KDM1A: variants seen among roughly 807,000 people sequenced by gnomAD.
KDM1A encodes the protein lysine demethylase 1A.
Under a neutral mutation model 109.4 loss-of-function variants are expected in KDM1A, and 49 were observed. The ratio of observed to expected loss-of-function variants is 0.45; its 90% CI spans 0.36 to 0.57. The LOEUF (loss-of-function observed/expected upper bound fraction) is 0.57. Ranked by LOEUF, KDM1A falls within the 20% of genes least tolerant of loss-of-function variation. The pLI is 0.00. For missense variants in KDM1A, 668 were observed against 1,116.6 expected (o/e 0.60, Z 5.73); for synonymous variants, 380 against 415.4 (o/e 0.91, Z 1.04).
intron 2 of KDM1A, among the ~76,000 whole-genome samples, chr1:23,042,674 G>A (rs1318582581): frequency 2.0e-5 from 3 of 150,832 alleles, no homozygotes; most frequent in South Asian, 2.1e-4. Flanking sequence ...GGATGGTCTC[G>A]ATCTCCTGAC....
chr1:23,062,992 G>T (rs1359472360), intron 9 of KDM1A, among the ~76,000 whole-genome samples: 1 of 152,116 alleles, frequency 6.6e-6, no homozygotes, highest in African/African-American at 2.4e-5. Context: ...GGGAAATAGG[G>T]TAATTCATAT....
chr1:23,073,680 C>T (rs1395275781), intron 15 of KDM1A, among the ~76,000 whole-genome samples: 2 of 152,210 alleles, frequency 1.3e-5, no homozygotes, highest in Non-Finnish European at 2.9e-5. Context: ...TGGCCCTGGA[C>T]AACCACTGAT....
At position 23,079,567 on chromosome 1, in the gene KDM1A, T is replaced by C. The variant is rs749247721; in HGVS notation, c.2070T>C (p.Phe690=). The C allele has an allele frequency of 6.2e-7, 1 of 1,613,872 alleles. No homozygotes were observed. Residue 690 remains phenylalanine, a synonymous_variant, in exon 18 of 21, where the codon TTT becomes TTC. Coordinates refer to ENST00000400181, the MANE Select transcript of KDM1A (RefSeq NM_001009999.3). The surrounding 1 kb of genome is among the most constrained non-coding windows in gnomAD (Gnocchi z 5.6). ...TCTTATGGTAGGTGGTGTTGTGTTT[T>C]GATCGGGTGTTCTGGGATCCAAGTG... is the stretch of plus-strand genomic sequence containing the variant. ...FGNLNKVVLC[F]DRVFWDPSVN... is the part of the protein sequence containing the mutation.
chr1:23,081,177 A>C, intron 18 of KDM1A: 1 of 373,220 alleles, frequency 2.7e-6, no homozygotes, highest in East Asian at 5.1e-5. Flanking sequence ...TTATATCTTC[A>C]GAACTGCTGT....
At chr1:23,028,789 T>G (rs1471008752) in intron 1 of KDM1A, among the ~76,000 whole-genome samples, 2 of 152,096 alleles carry the variant, frequency 1.3e-5, no homozygotes, top group Non-Finnish European at 2.9e-5. Context: ...AAGTTTAGTA[T>G]AATATCATCT....
intron 8 of KDM1A, chr1:23,058,004 C>T (rs1474985157): frequency 1.3e-5 from 2 of 153,372 alleles, no homozygotes; most frequent in African/African-American, 4.8e-5. Context: ...GTCTCGATCT[C>T]CTGATCTCAT....
intron 4 of KDM1A, among the ~76,000 whole-genome samples, chr1:23,052,966 C>A (rs1450099043): frequency 6.6e-6 from 1 of 152,126 alleles, no homozygotes; most frequent in African/African-American, 2.4e-5. Flanking sequence ...TTTTATATTT[C>A]TTCTTGTTAT....
intron 4 of KDM1A, among the ~76,000 whole-genome samples, chr1:23,053,278 A>G (rs1246232109): frequency 1.3e-5 from 2 of 152,180 alleles, no homozygotes; most frequent in African/African-American, 4.8e-5. Context: ...TACTTATTTG[A>G]TATGGCTTTG....
chr1:23,033,045 C>T (rs774112100), intron 2 of KDM1A, among the ~76,000 whole-genome samples: 29 of 152,090 alleles, frequency 1.9e-4, no homozygotes, highest in African/African-American at 6.8e-4. Flanking sequence ...TACAGATGTG[C>T]GTCACCACGC....
At position 23,071,309 on chromosome 1, in the gene KDM1A, G is replaced by A; in HGVS notation, c.1498G>A (p.Ala500Thr). 1.9e-6 allele frequency: 3 copies of A among 1,613,548 alleles called. No individual in the cohort carries two copies. The highest frequency in any genetic ancestry group is 2.5e-6 in the Non-Finnish European group (3 of 1,179,778). ...SEVKPPRDIT[A>T]EFLVKSKHRD... ...AGTAAAGCCACCCAGAGATATTACT[G>A]CCGAGTTCTTAGTGAAAAGCAAACA... is the stretch of plus-strand genomic sequence containing the variant. Residue 500 changes from alanine (A) to threonine (T), a missense_variant, in exon 13 of 21, where the codon GCC becomes ACC. By Grantham distance (58) the Ala-to-Thr change is moderately conservative (BLOSUM62 0). Transcript: ENST00000400181.
At chr1:23,066,186 G>A (rs570999707) in intron 10 of KDM1A, 115 bp downstream of exon 10, 13 of 746,032 alleles carry the variant, frequency 1.7e-5, no homozygotes, top group Admixed American at 1.0e-4. Flanking sequence ...CATTCACACT[G>A]GTTTGTTGTT....
intron 4 of KDM1A, among the ~76,000 whole-genome samples, chr1:23,051,556 G>A (rs879460437): frequency 6.6e-6 from 1 of 152,038 alleles, no homozygotes; most frequent in African/African-American, 2.4e-5. Flanking sequence ...TCATTTCTTG[G>A]ATTACTGACT....
At chr1:23,050,624 T>C in intron 4 of KDM1A, 104 bp downstream of exon 4, 1 of 910,106 alleles carries the variant, frequency 1.1e-6, no homozygotes, top group Non-Finnish European at 1.5e-6. Flanking sequence ...TCTAAAATTA[T>C]CTATAATACT....
chr1:23,063,489 C>T (rs1439613023), intron 9 of KDM1A, among the ~76,000 whole-genome samples: 1 of 152,162 alleles, frequency 6.6e-6, no homozygotes, highest in Non-Finnish European at 1.5e-5. Flanking sequence ...GCTTTTGACA[C>T]AGGTCTGTTG....
At chr1:23,078,691 G>C (rs1643535528) in intron 16 of KDM1A, among the ~76,000 whole-genome samples, 1 of 152,178 alleles carries the variant, frequency 6.6e-6, no homozygotes, top group Non-Finnish European at 1.5e-5. Flanking sequence ...ACTTGAGTAA[G>C]TGGTATAAGG....
At chr1:23,068,345 G>C (rs1034806783) in intron 10 of KDM1A, among the ~76,000 whole-genome samples, 194 bp from the exon 11 acceptor site, 51 of 152,270 alleles carry the variant, frequency 3.3e-4, no homozygotes, top group African/African-American at 1.2e-3. Context: ...GAAATTGTCA[G>C]GGCCCAAACA....
chr1:23,060,365 C>T (rs961784095), intron 9 of KDM1A, among the ~76,000 whole-genome samples: 3 of 152,142 alleles, frequency 2.0e-5, no homozygotes, highest in Non-Finnish European at 4.4e-5. Flanking sequence ...CCTCTGTTTT[C>T]CCAATCTTGT....
chr1:23,078,242 A>T (rs570004565), intron 16 of KDM1A, among the ~76,000 whole-genome samples: 2 of 152,318 alleles, frequency 1.3e-5, no homozygotes, highest in East Asian at 1.9e-4. Context: ...TGCTGAGAAG[A>T]TCTGCAGCCT....
Position 23,057,579 on chromosome 1 carries a change from G to GGTTTGTGCTAT in KDM1A, c.1072+15_1072+25dup. ...TAACAGGTCTTGGTAAGTAGCTATT[G>GGTTTGTGCTAT]GTTTGTGCTATATAGTACATGGTCT... On this transcript the variant is annotated intron_variant, in intron 8 of 20. Coordinates refer to ENST00000400181, the MANE Select transcript of KDM1A (RefSeq NM_001009999.3). The GGTTTGTGCTAT allele has an allele frequency of 6.3e-7, 1 of 1,594,500 alleles. No homozygotes were observed. Among genetic ancestry groups the GGTTTGTGCTAT allele is most frequent in the Admixed American group, 1.7e-5 (1 of 59,938 alleles).
Sources: gnomAD v4.1 joint callset for allele counts (sites outside exome capture counted in the v4.1 genomes callset) on GRCh38, gnomAD v4.1.1 for gene constraint, Gnocchi (gnomAD v3.1) non-coding constraint, MANE v1.5 for transcripts, NCBI Gene and HGNC (gene_info 2026-07-23, HGNC 2026-07-21) for gene names.